The following GPC6 variants were observed in gnomAD, a reference collection of about 807,000 sequenced individuals.
GPC6 encodes glypican-6.
A neutral mutation model predicts 55.2 loss-of-function variants in GPC6; 14 were observed. That is an observed-to-expected ratio of 0.25 (90% CI 0.17 to 0.40). The LOEUF is 0.40. Among genes scored for constraint, GPC6 ranks in the 10% least tolerant of loss-of-function variants. The pLI is 1.00. For synonymous variants in GPC6, 278 were observed against 259.6 expected (o/e 1.07, Z -0.68); for missense variants, 641 against 708.5 (o/e 0.90, Z 1.08).
rs547570373 is a variant in GPC6 at position 93,369,350 on chromosome 13, A to G, written c.160+141734A>G. 9.9e-5 allele frequency among the ~76,000 whole-genome samples: 15 copies of G among 152,272 alleles called. 1 individual carries two copies. The East Asian group carries it at 2.9e-3, about 29-fold the overall frequency. Reference sequence around the variant, plus strand: ...AAAATAAAAGGATGGGAAAAGATATACGATGGAAACATTAATCAAAAGGAA... The same window carrying G: ...AAAATAAAAGGATGGGAAAAGATATGCGATGGAAACATTAATCAAAAGGAA... On this transcript the variant is annotated intron_variant, in intron 1 of 8. Transcript: ENST00000377047.
intron 4 of GPC6, among the ~76,000 whole-genome samples, chr13:94,283,253 T>C (rs113909566): frequency 8.4e-4 from 128 of 152,348 alleles, no homozygotes; most frequent in African/African-American, 1.8e-3. Flanking sequence ...GACATTGTAC[T>C]AAACAACTTT....
intron 1 of GPC6, among the ~76,000 whole-genome samples, chr13:93,321,671 G>A (rs1345766005): frequency 6.6e-6 from 1 of 152,080 alleles, no homozygotes; most frequent in Non-Finnish European, 1.5e-5. Context: ...TCTTAAAGCA[G>A]GAGCATTTAT....
chr13:94,101,224 C>T (rs904994762), intron 4 of GPC6, among the ~76,000 whole-genome samples: 1 of 152,208 alleles, frequency 6.6e-6, no homozygotes, highest in African/African-American at 2.4e-5. Context: ...TGTCCACATC[C>T]CTGTGGGAGA....
chr13:93,676,162 T>C lies in GPC6; in HGVS notation c.319+130741T>C, dbSNP rs1223459594. Among the ~76,000 whole-genome samples, 61 of 28,892 alleles carry C rather than the reference T, an allele frequency of 2.1e-3. 4 individuals are homozygous for C. The highest frequency in any genetic ancestry group is 5.5e-3 in the African/African-American group (58 of 10,518). The allele number at this position is 28,892 out of a possible 152,430, so 19.0% of individuals were successfully genotyped here. ...ATATATATATATATATATATATATA[T>C]ATATATACATACACACACACACACA... On this transcript the variant is annotated intron_variant, in intron 2 of 8. Transcript: ENST00000377047.
intron 2 of GPC6, among the ~76,000 whole-genome samples, chr13:93,680,373 G>A (rs1357764115): frequency 2.6e-5 from 4 of 152,132 alleles, no homozygotes; most frequent in Non-Finnish European, 5.9e-5. Flanking sequence ...GCACAATAGT[G>A]AGACAGTTCA....
At chr13:93,810,572 A>G (rs1003994138) in intron 2 of GPC6, among the ~76,000 whole-genome samples, 2 of 152,196 alleles carry the variant, frequency 1.3e-5, no homozygotes, top group Non-Finnish European at 2.9e-5. Context: ...ATAAATTGTC[A>G]TTGTGCTACC....
intron 1 of GPC6, among the ~76,000 whole-genome samples, chr13:93,462,227 T>A (rs1364922837): frequency 1.3e-5 from 2 of 152,182 alleles, no homozygotes; most frequent in Non-Finnish European, 2.9e-5. Flanking sequence ...CCATCCTTCA[T>A]CATCCTTGAA....
chr13:93,781,276 GA>G (rs10714640), intron 2 of GPC6, among the ~76,000 whole-genome samples: 73,947 of 136,060 alleles, frequency 0.54, 19,206 homozygotes, highest in East Asian at 0.59. Flanking sequence ...CTCCATCTCC[GA>G]AAAAAAAAAA....
At chr13:93,247,462 T>C (rs963014830) in intron 1 of GPC6, among the ~76,000 whole-genome samples, 1 of 152,218 alleles carries the variant, frequency 6.6e-6, no homozygotes, top group African/African-American at 2.4e-5. Flanking sequence ...ACTGTTACTT[T>C]TACATTATCA....
At chr13:93,330,974 G>A (rs1022215221) in intron 1 of GPC6, among the ~76,000 whole-genome samples, 1 of 152,170 alleles carries the variant, frequency 6.6e-6, no homozygotes, top group African/African-American at 2.4e-5. Context: ...AGGTAAAGGG[G>A]AAGTAATCAT....
intron 2 of GPC6, among the ~76,000 whole-genome samples, chr13:93,627,164 C>A (rs1359976703): frequency 6.6e-6 from 1 of 152,040 alleles, no homozygotes; most frequent in African/African-American, 2.4e-5. Flanking sequence ...AGCCCCCACC[C>A]CCCAATAGGC....
At chr13:93,278,593 G>A (rs900546538) in intron 1 of GPC6, among the ~76,000 whole-genome samples, 6 of 152,010 alleles carry the variant, frequency 3.9e-5, no homozygotes, top group African/African-American at 7.2e-5. Flanking sequence ...GCTAAGTGAC[G>A]TTTTCATTCT....
chr13:94,098,262 T>G (rs1422464669), intron 4 of GPC6, among the ~76,000 whole-genome samples: 1 of 152,164 alleles, frequency 6.6e-6, no homozygotes, highest in Non-Finnish European at 1.5e-5. Flanking sequence ...GTCAGATGCT[T>G]TACCTATAGG....
chr13:94,378,668 A>G (rs1880014079), intron 6 of GPC6, among the ~76,000 whole-genome samples: 1 of 152,202 alleles, frequency 6.6e-6, no homozygotes. Context: ...TATGGACCCC[A>G]ACAGTATATG....
rs186944203 is a variant in GPC6, at chr13:93,458,441, C to T, written c.161-86822C>T. Among the ~76,000 whole-genome samples, 5 of 152,234 alleles carry T rather than the reference C, an allele frequency of 3.3e-5. No homozygotes were observed. In the East Asian group the frequency reaches 9.7e-4, roughly 29 times the overall value. The stretch of plus-strand genomic sequence containing the variant: ...TATGAAACATCCTCCTCCCTACCCC[C>T]CCATATAAGTTCCCTTTCACGCCCA... On this transcript the variant is annotated intron_variant, in intron 1 of 8. Transcript: ENST00000377047.
In GPC6 at chr13:93,653,644, A is replaced by T. The variant is rs112364128; in HGVS notation, c.319+108223A>T. ...TATATATGATTTTAAACTTAAAAAA[A>T]ATATATATTTTTCTGATAAGAAATA... On this transcript the variant is annotated intron_variant, in intron 2 of 8. Transcript: ENST00000377047. 5.2e-3 allele frequency among the ~76,000 whole-genome samples: 786 copies of T among 150,452 alleles called. 8 individuals are homozygous for T. Among genetic ancestry groups the T allele is most frequent in the African/African-American group, 0.017 (700 of 40,912 alleles).
chr13:93,378,893 C>T (rs1875035709), intron 1 of GPC6, among the ~76,000 whole-genome samples: 1 of 151,222 alleles, frequency 6.6e-6, no homozygotes, highest in African/African-American at 2.4e-5. Flanking sequence ...CCCTCCAGAG[C>T]CTGAGGCAGG....
At chr13:94,055,945 G>T (rs1884116957) in intron 4 of GPC6, among the ~76,000 whole-genome samples, 2 of 152,194 alleles carry the variant, frequency 1.3e-5, no homozygotes, top group Admixed American at 1.3e-4. Flanking sequence ...TGATCTTGAA[G>T]GTAGCTGTCC....
chr13:93,545,359 T>C lies in GPC6; in HGVS notation c.257T>C (p.Leu86Pro), dbSNP rs1392891033. The C allele has an allele frequency of 1.9e-6, 3 of 1,613,856 alleles. No homozygotes were observed. Among genetic ancestry groups the C allele is most frequent in the African/African-American group, 1.3e-5 (1 of 75,020 alleles). ...SQQSKLEFEN[L>P]VEETSHFVRT... ...CAAAGCAAACTCGAATTTGAAAACC[T>C]TGTGGAAGAGACAAGCCATTTTGTG... is the stretch of plus-strand genomic sequence containing the variant. Residue 86 changes from leucine to proline, a missense_variant, in exon 2 of 9, where the codon CTT becomes CCT. Physicochemically the swap from Leu to Pro is moderately conservative, Grantham distance 98 (BLOSUM62 -3). Transcript: ENST00000377047.
Sources: allele counts gnomAD v4.1 joint callset (sites outside exome capture counted in the v4.1 genomes callset), GRCh38; gene constraint gnomAD v4.1.1; transcripts MANE v1.5; gene names NCBI Gene and HGNC (gene_info 2026-07-23, HGNC 2026-07-21).